FNBP1: variants seen among roughly 807,000 people sequenced by gnomAD.
FNBP1 encodes the protein formin-binding protein 1.
FNBP1 carries 26 observed loss-of-function variants against 90.6 expected under a neutral mutation model. That is an observed-to-expected ratio of 0.29 (90% CI 0.21 to 0.40). The LOEUF (loss-of-function observed/expected upper bound fraction) is 0.40, where lower values mean the gene tolerates loss of function less well. FNBP1 is among the 10% of genes least tolerant of loss of function. The pLI, the probability that FNBP1 is intolerant of heterozygous loss-of-function variation, is 1.00. For missense variants in FNBP1, 635 were observed against 768.0 expected, an observed-to-expected ratio of 0.83 and a Z score of 2.05; for synonymous variants, 260 against 265.2, an observed-to-expected ratio of 0.98 and a Z score of 0.19.
At position 129,930,091 on chromosome 9, in the gene FNBP1, C is replaced by T. The variant is rs893285689; in HGVS notation, c.514-396G>A. ...TTTTTCTTTTTTTGAGACCAGGTCT[C>T]GCTCTGTCACCCAGGCTGGAGTGCA... On this transcript the variant is annotated intron_variant, in intron 6 of 16. Transcript: ENST00000446176. Among the ~76,000 whole-genome samples, 14 of 149,374 alleles carry T rather than the reference C, an allele frequency of 9.4e-5. No homozygotes were observed. The East Asian group carries it at 2.6e-3, about 27-fold the overall frequency.
Position 129,958,480 on chromosome 9 carries a change from T to C in FNBP1, c.408+11A>G. On this transcript the variant is annotated intron_variant, in intron 5 of 16. Coordinates refer to ENST00000446176, the MANE Select transcript of FNBP1 (RefSeq NM_015033.3). ...TAAAGCCGTTTCTTTTGCTGTGCAT[T>C]GTTCACTTACAGATTCAAGCTGCTT... 2 of 1,584,086 alleles carry C rather than the reference T, an allele frequency of 1.3e-6. No homozygotes were observed. The highest frequency in any genetic ancestry group is 2.3e-5 in the South Asian group (2 of 87,108).
intron 5 of FNBP1, 93 bp downstream of exon 5, chr9:129,958,398 C>T: frequency 2.1e-6 from 2 of 971,088 alleles, no homozygotes; most frequent in Non-Finnish European, 3.1e-6. Context: ...CACCATTGCA[C>T]TCCAACCTGG....
rs536399367 is a variant in FNBP1 at position 129,932,717 on chromosome 9, C to G, written c.514-3022G>C. On this transcript the variant is annotated intron_variant, in intron 6 of 16. Coordinates refer to ENST00000446176, the MANE Select transcript of FNBP1 (RefSeq NM_015033.3). ...TGTTGGTGGCCTGTTAACTCCCTTC[C>G]TGACCATATGCCTTGGCGTCTGCTT... Among the ~76,000 whole-genome samples the G allele has an allele frequency of 2.0e-5, 3 of 152,194 alleles. No individual in the cohort carries two copies. In the East Asian group the frequency reaches 5.8e-4, roughly 29 times the overall value.
At chr9:129,918,063 G>T (rs1049708484) in intron 10 of FNBP1, among the ~76,000 whole-genome samples, 1 of 152,006 alleles carries the variant, frequency 6.6e-6, no homozygotes, top group Non-Finnish European at 1.5e-5. Context: ...CTTTCTTTAC[G>T]CAAAGTTATA....
chr9:130,007,239 CAAAAAAAA>C (rs72063140), intron 1 of FNBP1, among the ~76,000 whole-genome samples: 2 of 77,020 alleles, frequency 2.6e-5, no homozygotes, highest in Admixed American at 2.0e-4. Flanking sequence ...GAGATCCTGT[CAAAAAAAA>C]AAAAAAAAAA....
chr9:129,898,041 G>C (rs1197652659), intron 15 of FNBP1, among the ~76,000 whole-genome samples: 1 of 151,998 alleles, frequency 6.6e-6, no homozygotes, highest in African/African-American at 2.4e-5. Context: ...TGTTGGGCAG[G>C]CTGGTCTAGA....
chr9:129,931,232 G>A (rs2042685830), intron 6 of FNBP1, among the ~76,000 whole-genome samples: 5 of 151,938 alleles, frequency 3.3e-5, no homozygotes, highest in Admixed American at 2.6e-4. Context: ...GGAGGCTGAG[G>A]CTGCAGTGAG....
intron 16 of FNBP1, among the ~76,000 whole-genome samples, chr9:129,894,919 G>A (rs1037136696): frequency 3.9e-5 from 6 of 152,060 alleles, no homozygotes; most frequent in East Asian, 1.9e-4. Context: ...TTAGCCAGGC[G>A]TGGTGGTGCA....
chr9:129,952,298 G>A (rs751002460), intron 6 of FNBP1, among the ~76,000 whole-genome samples: 3 of 151,850 alleles, frequency 2.0e-5, no homozygotes, highest in Non-Finnish European at 2.9e-5. Flanking sequence ...TCAGGGGTTC[G>A]AGACCAGCCT....
intron 1 of FNBP1, among the ~76,000 whole-genome samples, chr9:130,006,973 C>T (rs1018345959): frequency 2.0e-5 from 3 of 152,118 alleles, no homozygotes; most frequent in Non-Finnish European, 4.4e-5. Flanking sequence ...GCGGCTCATG[C>T]CTATAATCCC....
Position 129,890,485 on chromosome 9 carries a change from A to G in FNBP1, c.*54T>C, listed in dbSNP as rs1392585524. ...AGGGCGCTGGAGGCCTGTGGGAACA[A>G]GCAGACGGAGGCTCCTCCAGGAAGG... is the stretch of plus-strand genomic sequence containing the variant. On this transcript the variant is annotated 3_prime_UTR_variant, in exon 17 of 17. Coordinates refer to ENST00000446176, the MANE Select transcript of FNBP1 (RefSeq NM_015033.3). The surrounding 1 kb of genome is among the most constrained non-coding windows in gnomAD (Gnocchi z 5.8). 2.0e-6 allele frequency: 3 copies of G among 1,519,284 alleles called. No individual in the cohort carries two copies. Among genetic ancestry groups the G allele is most frequent in the Non-Finnish European group, 1.8e-6 (2 of 1,111,576 alleles). The allele number at this position is 1,519,284 out of a possible 1,614,324, so 94.1% of individuals were successfully genotyped here.
chr9:129,976,904 G>C (rs185574849), intron 4 of FNBP1, among the ~76,000 whole-genome samples: 2 of 152,064 alleles, frequency 1.3e-5, no homozygotes, highest in East Asian at 3.9e-4. Context: ...GGTGGCTCAC[G>C]CCTGTAATCC....
intron 4 of FNBP1, among the ~76,000 whole-genome samples, chr9:129,969,602 A>G (rs959453741): frequency 1.3e-5 from 2 of 152,046 alleles, no homozygotes; most frequent in South Asian, 2.1e-4. Context: ...CTTTGAAAAA[A>G]TTCCAATTAT....
intron 10 of FNBP1, among the ~76,000 whole-genome samples, chr9:129,916,673 A>G (rs2040313120): frequency 6.6e-6 from 1 of 152,098 alleles, no homozygotes; most frequent in African/African-American, 2.4e-5. Flanking sequence ...TGTTCTCCAA[A>G]TTTCCCATGG....
chr9:129,903,491 T>A (rs1263559025), intron 12 of FNBP1, among the ~76,000 whole-genome samples: 1 of 152,198 alleles, frequency 6.6e-6, no homozygotes, highest in Non-Finnish European at 1.5e-5. Context: ...CTGCTACCAA[T>A]GGCTATAAAT....
intron 7 of FNBP1, among the ~76,000 whole-genome samples, chr9:129,928,602 A>G (rs2042259445): frequency 6.6e-6 from 1 of 151,894 alleles, no homozygotes. Flanking sequence ...TGAAGGTTGC[A>G]GTGAGCTGAG....
At position 129,900,601 on chromosome 9, in the gene FNBP1, CAG is replaced by C; in HGVS notation, c.1429-56_1429-55del. The C allele has an allele frequency of 7.0e-7, 1 of 1,435,690 alleles. No individual in the cohort carries two copies. Among genetic ancestry groups the C allele is most frequent in the Non-Finnish European group, 9.1e-7 (1 of 1,096,652 alleles). The allele number at this position is 1,435,690 out of a possible 1,614,324, so 88.9% of individuals were successfully genotyped here. A position where few individuals can be genotyped will look rare whatever the true frequency, so the allele number is the denominator to read the frequency against. Reference sequence around the variant, plus strand: ...ACCTAAGGCCATCTGAGGGTCAGCCCAGAGTGTCCTAAGGTCCCAAAGGCCAT... The same window carrying C: ...ACCTAAGGCCATCTGAGGGTCAGCCCAGTGTCCTAAGGTCCCAAAGGCCAT... On this transcript the variant is annotated intron_variant, in intron 13 of 16. Transcript: ENST00000446176. The surrounding 1 kb of genome is among the most constrained non-coding windows in gnomAD (Gnocchi z 4.1).
At chr9:129,939,526 T>C (rs78834096) in intron 6 of FNBP1, among the ~76,000 whole-genome samples, 15,236 of 152,208 alleles carry the variant, frequency 0.1, 860 homozygotes, top group African/African-American at 0.16. Context: ...TGGGAAATAA[T>C]TAGAGAAACT....
At chr9:129,916,434 A>G (rs1259741759) in intron 10 of FNBP1, among the ~76,000 whole-genome samples, 1 of 152,032 alleles carries the variant, frequency 6.6e-6, no homozygotes, top group Non-Finnish European at 1.5e-5. Context: ...CCTGACCAAC[A>G]CGGAGAAACC....
Sources: gnomAD v4.1 joint callset for allele counts (sites outside exome capture counted in the v4.1 genomes callset) on GRCh38, gnomAD v4.1.1 for gene constraint, Gnocchi (gnomAD v3.1) non-coding constraint, MANE v1.5 for transcripts, NCBI Gene and HGNC (gene_info 2026-07-23, HGNC 2026-07-21) for gene names.